The following SNX3 variants were observed in gnomAD, a reference collection of about 807,000 sequenced individuals.
SNX3 encodes sorting nexin-3.
A neutral mutation model predicts 17.7 loss-of-function variants in SNX3; 5 were observed. The observed-to-expected ratio is 0.28, with a 90% CI of 0.15 to 0.59. SNX3 has a LOEUF of 0.59. Among genes scored for constraint, SNX3 ranks in the 20% least tolerant of loss-of-function variants. The probability of loss-of-function intolerance (pLI) is 0.88; values close to 1 mark genes in which losing one functional copy is unlikely to be tolerated. For synonymous variants in SNX3, 91 were observed against 76.5 expected (o/e 1.19, Z -0.99); for missense variants, 132 against 206.8 (o/e 0.64, Z 2.22).
chr6:108,247,376 T>C (rs1443304961), intron 1 of SNX3, among the ~76,000 whole-genome samples: 1 of 151,916 alleles, frequency 6.6e-6, no homozygotes, highest in Non-Finnish European at 1.5e-5. Flanking sequence ...CTAGGATGTA[T>C]TTTTTGAGTG....
At chr6:108,221,216 G>A (rs955980612) in intron 2 of SNX3, among the ~76,000 whole-genome samples, 3 of 151,602 alleles carry the variant, frequency 2.0e-5, no homozygotes, top group African/African-American at 7.3e-5. Flanking sequence ...CTTCCCTTGT[G>A]CTCTATATGA....
chr6:108,234,637 AACAT>A lies in SNX3; in HGVS notation c.163-11596_163-11593del, dbSNP rs370880636. ...ATAAAAGATATCCTTACAATTAAAA[AACAT>A]ACATATTGACTTGTAGATACTCCAT... On this transcript the variant is annotated intron_variant, in intron 1 of 3. Transcript: ENST00000230085. Among the ~76,000 whole-genome samples the A allele has an allele frequency of 1.7e-4, 26 of 152,342 alleles. No homozygotes were observed. The South Asian group carries it at 2.7e-3, about 16-fold the overall frequency.
intron 1 of SNX3, among the ~76,000 whole-genome samples, chr6:108,251,633 A>C (rs1775863044): frequency 6.6e-6 from 1 of 152,352 alleles, no homozygotes; most frequent in South Asian, 2.1e-4. Flanking sequence ...GGAGAAAAAA[A>C]CCAAAAAAAC....
Position 108,260,974 on chromosome 6 carries a change from AGCCGCCGCCGCC to A in SNX3, c.-65_-54del, listed in dbSNP as rs540671479. 4 of 1,430,072 alleles carry A rather than the reference AGCCGCCGCCGCC, an allele frequency of 2.8e-6. No individual in the cohort carries two copies. Among genetic ancestry groups the A allele is most frequent in the Non-Finnish European group, 2.7e-6 (3 of 1,096,710 alleles). The allele number at this position is 1,430,072 out of a possible 1,614,324, so 88.6% of individuals were successfully genotyped here. ...GGCTCCCTCCGCCCCCTCCGCGTTC[AGCCGCCGCCGCC>A]GCCGCTGCTGCCCGCCGTGGGGACA... On this transcript the variant is annotated 5_prime_UTR_variant, in exon 1 of 4. Coordinates refer to ENST00000230085, the MANE Select transcript of SNX3 (RefSeq NM_003795.6).
intron 1 of SNX3, among the ~76,000 whole-genome samples, chr6:108,233,363 G>A (rs534945851): frequency 3.9e-5 from 6 of 152,078 alleles, no homozygotes; most frequent in Admixed American, 1.3e-4. Flanking sequence ...ACCTTTTTTG[G>A]ACAATCTTTA....
At chr6:108,215,228 T>A (rs1161249125) in intron 2 of SNX3, among the ~76,000 whole-genome samples, 1 of 151,746 alleles carries the variant, frequency 6.6e-6, no homozygotes, top group East Asian at 1.9e-4. Context: ...CGGGCGCCTG[T>A]AGGCCCAACT....
At chr6:108,227,019 G>A (rs1282091249) in intron 1 of SNX3, among the ~76,000 whole-genome samples, 1 of 152,190 alleles carries the variant, frequency 6.6e-6, no homozygotes, top group Non-Finnish European at 1.5e-5. Context: ...ATGCTGGCTT[G>A]TTGTACAGAG....
At chr6:108,214,800 A>AAT (rs1469766886) in intron 2 of SNX3, among the ~76,000 whole-genome samples, 178 bp from the exon 3 acceptor site, 1 of 152,238 alleles carries the variant, frequency 6.6e-6, no homozygotes, top group Non-Finnish European at 1.5e-5. Flanking sequence ...ACAAATGCAG[A>AAT]ATAGCCCATC....
intron 1 of SNX3, among the ~76,000 whole-genome samples, chr6:108,235,214 T>G (rs1468650632): frequency 2.0e-5 from 3 of 152,230 alleles, no homozygotes; most frequent in East Asian, 1.9e-4. Context: ...CATTCTCTCT[T>G]GCGATCCTGT....
chr6:108,257,750 G>A (rs1433906638), intron 1 of SNX3, among the ~76,000 whole-genome samples: 5 of 152,118 alleles, frequency 3.3e-5, no homozygotes, highest in South Asian at 2.1e-4. Flanking sequence ...CAGATCATGA[G>A]GTCAAGGGAC....
intron 2 of SNX3, among the ~76,000 whole-genome samples, chr6:108,216,260 TG>T (rs2114706056): frequency 6.6e-6 from 1 of 152,280 alleles, no homozygotes; most frequent in South Asian, 2.1e-4. Flanking sequence ...TTCTATTTTT[TG>T]TGGAGATGGT....
chr6:108,241,546 G>T (rs1232426060), intron 1 of SNX3, among the ~76,000 whole-genome samples: 1 of 151,914 alleles, frequency 6.6e-6, no homozygotes, highest in Non-Finnish European at 1.5e-5. Flanking sequence ...CATAACCTTT[G>T]ACCAGTCATT....
intron 1 of SNX3, among the ~76,000 whole-genome samples, chr6:108,234,319 G>GAGGC (rs1562429400): frequency 1.2e-4 from 18 of 151,968 alleles, no homozygotes; most frequent in African/African-American, 4.4e-4. Flanking sequence ...TTGGGAGGCC[G>GAGGC]AGGCGGGTGG....
chr6:108,234,311 G>T (rs1327310868), intron 1 of SNX3, among the ~76,000 whole-genome samples: 3 of 151,962 alleles, frequency 2.0e-5, no homozygotes, highest in African/African-American at 7.3e-5. Context: ...CCAGCACTTT[G>T]GGAGGCCGAG....
intron 2 of SNX3, 24 bp from the exon 3 acceptor site, chr6:108,214,646 C>T (rs1251518323): frequency 6.2e-7 from 1 of 1,604,596 alleles, no homozygotes; most frequent in Non-Finnish European, 8.5e-7. Flanking sequence ...ACAGAAACTC[C>T]TTGATCATGA....
intron 2 of SNX3, among the ~76,000 whole-genome samples, chr6:108,219,712 T>G (rs1005187050): frequency 4.6e-5 from 7 of 152,362 alleles, no homozygotes; most frequent in African/African-American, 1.7e-4. Context: ...ATTTGCTGAA[T>G]TCCTTTCCCA....
intron 1 of SNX3, among the ~76,000 whole-genome samples, chr6:108,247,044 C>T (rs966903802): frequency 3.9e-5 from 6 of 152,172 alleles, no homozygotes; most frequent in African/African-American, 7.2e-5. Flanking sequence ...CCCCAGGTGA[C>T]CGTATCATGG....
rs570811416 is a variant in SNX3, at chr6:108,219,394, C to T, written c.258+3556G>A. On this transcript the variant is annotated intron_variant, in intron 2 of 3. Coordinates refer to ENST00000230085, the MANE Select transcript of SNX3 (RefSeq NM_003795.6). Reference sequence around the variant, plus strand: ...GCCAAGGCAGGAGGATTACTTGAGGCCAGGAATTCAAGACCAGCCTGGGCA... The same window carrying T: ...GCCAAGGCAGGAGGATTACTTGAGGTCAGGAATTCAAGACCAGCCTGGGCA... Among the ~76,000 whole-genome samples, 8 of 152,190 alleles carry T rather than the reference C, an allele frequency of 5.3e-5. No individual in the cohort carries two copies. The South Asian group carries it at 8.3e-4, about 16-fold the overall frequency.
chr6:108,213,404 C>T (rs1388395801), intron 3 of SNX3, among the ~76,000 whole-genome samples: 1 of 152,020 alleles, frequency 6.6e-6, no homozygotes, highest in East Asian at 1.9e-4. Context: ...GTAATCCCAG[C>T]ACTTTGGGAG....
Sources: allele counts gnomAD v4.1 joint callset (sites outside exome capture counted in the v4.1 genomes callset), GRCh38; gene constraint gnomAD v4.1.1; transcripts MANE v1.5; gene names NCBI Gene and HGNC (gene_info 2026-07-23, HGNC 2026-07-21).